RGS5: variants seen among roughly 807,000 people sequenced by gnomAD.
The protein encoded by RGS5 is regulator of G protein signaling 5.
RGS5 carries 20 observed loss-of-function variants against 18.9 expected under a neutral mutation model. The ratio of observed to expected loss-of-function variants is 1.06; its 90% CI spans 0.74 to 1.54. The LOEUF is 1.54. Ranked by LOEUF, RGS5 falls within the 40% of genes most tolerant of loss-of-function variation. RGS5 has a pLI of 0.00. For missense variants in RGS5, 201 were observed against 211.8 expected (o/e 0.95, Z 0.32); for synonymous variants, 57 against 76.2 (o/e 0.75, Z 1.31).
chr1:163,321,181 G>A (rs1405481948), intron 1 of RGS5: 1 of 152,230 alleles, frequency 6.6e-6, no homozygotes, highest in Non-Finnish European at 1.5e-5. Context: ...CAAATTTGGG[G>A]AACAGTTCAG....
intron 1 of RGS5, among the ~76,000 whole-genome samples, chr1:163,312,202 T>C (rs1482426662): frequency 6.6e-6 from 1 of 152,180 alleles, no homozygotes; most frequent in African/African-American, 2.4e-5. Context: ...ACTTGCTCTC[T>C]CACCTGCTGC....
chr1:163,238,670 T>C, intron 2 of RGS5: 1 of 281,732 alleles, frequency 3.5e-6, no homozygotes, highest in Non-Finnish European at 6.8e-6. Context: ...ACTGAAAAAA[T>C]TTTTGTTGGT....
intron 2 of RGS5, among the ~76,000 whole-genome samples, chr1:163,285,218 T>C (rs903096963): frequency 1.3e-5 from 2 of 152,152 alleles, no homozygotes; most frequent in African/African-American, 4.8e-5. Context: ...TTATTCTGTA[T>C]TAACTTTTCC....
chr1:163,216,743 C>A (rs1660225944), intron 1 of RGS5, among the ~76,000 whole-genome samples: 1 of 152,154 alleles, frequency 6.6e-6, no homozygotes, highest in Admixed American at 6.5e-5. Context: ...CTTTGTAGAA[C>A]CATTGTGAGC....
chr1:163,206,739 T>C (rs1298092878), upstream of RGS5: 1 of 151,314 alleles, frequency 6.6e-6, no homozygotes, highest in Admixed American at 6.6e-5. Flanking sequence ...AGAGAGCAGC[T>C]CTCATCAGAC....
At chr1:163,245,582 G>A (rs1647906711) in intron 2 of RGS5, among the ~76,000 whole-genome samples, 1 of 152,302 alleles carries the variant, frequency 6.6e-6, no homozygotes, top group South Asian at 2.1e-4. Flanking sequence ...GCCTGGCATA[G>A]TGATTATTTT....
chr1:163,233,422 G>A (rs181570881), intron 2 of RGS5, among the ~76,000 whole-genome samples: 1 of 152,196 alleles, frequency 6.6e-6, no homozygotes, highest in African/African-American at 2.4e-5. Flanking sequence ...CATTCATTGA[G>A]GAGGCTATTC....
upstream of RGS5, among the ~76,000 whole-genome samples, chr1:163,220,270 T>C (rs1235241172): frequency 4.6e-5 from 7 of 152,294 alleles, no homozygotes; most frequent in South Asian, 1.5e-3. Flanking sequence ...TATTGAGTTG[T>C]AGGAGTTCTT....
intron 1 of RGS5, among the ~76,000 whole-genome samples, chr1:163,213,510 G>A (rs1348725192): frequency 6.6e-6 from 1 of 152,154 alleles, no homozygotes; most frequent in African/African-American, 2.4e-5. Flanking sequence ...CAGCAAGCAT[G>A]GAGGCAAAAG....
chr1:163,307,997 G>A (rs1245074650), intron 1 of RGS5, among the ~76,000 whole-genome samples: 2 of 152,138 alleles, frequency 1.3e-5, no homozygotes, highest in Non-Finnish European at 2.9e-5. Flanking sequence ...TTAACTCCAT[G>A]AACAATCTGC....
At chr1:163,220,196 A>G (rs1647202613), upstream of RGS5, among the ~76,000 whole-genome samples, 1 of 152,174 alleles carries the variant, frequency 6.6e-6, no homozygotes, top group Admixed American at 6.6e-5. Flanking sequence ...GACCATTTAA[A>G]TATTCTTTTG....
At chr1:163,285,842 C>T (rs1057149905) in intron 2 of RGS5, among the ~76,000 whole-genome samples, 4 of 151,980 alleles carry the variant, frequency 2.6e-5, no homozygotes, top group African/African-American at 9.7e-5. Context: ...TTTGCCTTTG[C>T]CATGGGTAAG....
At chr1:163,187,540 C>CTTAAGACACTTAAGA (rs1387058394) in intron 1 of RGS5, among the ~76,000 whole-genome samples, 7 of 152,124 alleles carry the variant, frequency 4.6e-5, no homozygotes, top group Non-Finnish European at 1.0e-4. Context: ...TTAAGACACT[C>CTTAAGACACTTAAGA]CCCTGACAGG....
Position 163,184,271 on chromosome 1 carries a change from T to C in RGS5, c.45-15903A>G, listed in dbSNP as rs574395182. 5.8e-4 allele frequency among the ~76,000 whole-genome samples: 88 copies of C among 152,026 alleles called. 2 individuals are homozygous for C. The highest frequency in any genetic ancestry group is 1.7e-3 in the African/African-American group (72 of 41,464). ...AAATAGAAATGTAATTTTATGTACT[T>C]CAAATGCAAGTCACAGGTGACAGGA... On this transcript the variant is annotated intron_variant, in intron 1 of 4. Coordinates refer to ENST00000313961, the MANE Select transcript of RGS5 (RefSeq NM_003617.4).
intron 2 of RGS5, among the ~76,000 whole-genome samples, chr1:163,302,248 T>G (rs192986344): frequency 2.4e-4 from 37 of 152,262 alleles, no homozygotes; most frequent in African/African-American, 6.5e-4. Context: ...ACTTATAACT[T>G]CCAAGCATAA....
chr1:163,299,731 T>A (rs1033907336), intron 2 of RGS5, among the ~76,000 whole-genome samples: 4 of 152,140 alleles, frequency 2.6e-5, no homozygotes, highest in African/African-American at 9.7e-5. Flanking sequence ...TTCTGAGAAA[T>A]AATAGTTTAA....
At chr1:163,195,018 A>C (rs537916941) in intron 1 of RGS5, among the ~76,000 whole-genome samples, 2 of 152,310 alleles carry the variant, frequency 1.3e-5, no homozygotes, top group South Asian at 2.1e-4. Flanking sequence ...ACCTCTATGG[A>C]AAACAGTATA....
chr1:163,275,311 C>A (rs1009489227), intron 2 of RGS5, among the ~76,000 whole-genome samples: 1 of 151,908 alleles, frequency 6.6e-6, no homozygotes, highest in African/African-American at 2.4e-5. Flanking sequence ...CTTCTTAGTG[C>A]CCCCAGGTTT....
Position 163,188,432 on chromosome 1 carries a change from A to G in RGS5, c.44+14360T>C, listed in dbSNP as rs1659186744. On this transcript the variant is annotated intron_variant, in intron 1 of 4. Transcript: ENST00000313961. Reference sequence around the variant, plus strand: ...TGAGTCCTCTGGTCACCCAAAAGATAGTCAACAGGGAGAGGGCACAACCCA... The same window carrying G: ...TGAGTCCTCTGGTCACCCAAAAGATGGTCAACAGGGAGAGGGCACAACCCA... 3.9e-5 allele frequency among the ~76,000 whole-genome samples: 6 copies of G among 152,288 alleles called. No homozygotes were observed. The South Asian group carries it at 1.2e-3, about 32-fold the overall frequency.
Sources: allele counts gnomAD v4.1 joint callset (sites outside exome capture counted in the v4.1 genomes callset), GRCh38; gene constraint gnomAD v4.1.1; transcripts MANE v1.5; gene names NCBI Gene and HGNC (gene_info 2026-07-23, HGNC 2026-07-21).